PRCC: variants seen among roughly 807,000 people sequenced by gnomAD.
PRCC encodes proline-rich protein PRCC.
Under a neutral mutation model 44.0 loss-of-function variants are expected in PRCC, and 10 were observed. That is an observed-to-expected ratio of 0.23 (90% confidence interval 0.14 to 0.39). The LOEUF is 0.39. Ranked by LOEUF, PRCC falls within the 10% of genes least tolerant of loss-of-function variation. The pLI is 1.00. For synonymous variants in PRCC, 278 were observed against 259.5 expected (o/e 1.07, Z -0.69); for missense variants, 573 against 624.7 (o/e 0.92, Z 0.88).
chr1:156,783,968 A>T (rs1652143380), intron 2 of PRCC, among the ~76,000 whole-genome samples: 1 of 131,186 alleles, frequency 7.6e-6, no homozygotes, highest in African/African-American at 2.8e-5. Context: ...TTTGGGGGGG[A>T]CGGAGTCTCG....
In PRCC at chr1:156,786,776, C is replaced by T. The variant is rs201490397; in HGVS notation, c.685C>T (p.Leu229Phe). 5.7e-5 allele frequency: 92 copies of T among 1,614,234 alleles called. No individual in the cohort carries two copies. The East Asian group carries it at 1.7e-3, about 30-fold the overall frequency. ...GGCTTCTAAGACCAAGACTTCCTCTCTTGCCCCTGTTGTGGGCACCACAAC... is the reference window on the plus strand; with the variant it reads ...GGCTTCTAAGACCAAGACTTCCTCTTTTGCCCCTGTTGTGGGCACCACAAC... The part of the protein sequence containing the change: ...RLASKTKTSS[L>F]APVVGTTTTT... The change falls in exon 3 of 7, where the codon CTT becomes TTT. Residue 229 changes from leucine (L) to phenylalanine (F), a missense_variant. Around this residue, in one of 4 missense-constraint regions of PRCC, gnomAD observed 118 missense variants for 166.7 expected, o/e 0.71. Coordinates refer to ENST00000271526, the MANE Select transcript of PRCC (RefSeq NM_005973.5).
At chr1:156,787,320 C>CCTG in intron 3 of PRCC, 146 bp downstream of exon 3, 1 of 919,906 alleles carries the variant, frequency 1.1e-6, no homozygotes, top group South Asian at 1.9e-5. Flanking sequence ...TACCTTTATT[C>CCTG]TGAACCATAT....
chr1:156,795,236 C>T, intron 5 of PRCC, among the ~76,000 whole-genome samples: 1 of 145,738 alleles, frequency 6.9e-6, no homozygotes, highest in African/African-American at 2.5e-5. Context: ...TCCCTCCCTC[C>T]TTTCCTCCTT....
rs1422939228 is a variant in PRCC, at chr1:156,794,936, A to G, written c.1323+128A>G. 37 of 1,247,290 alleles carry G rather than the reference A, an allele frequency of 3.0e-5. 1 individual carries two copies. The East Asian group carries it at 5.7e-4, about 19-fold the overall frequency. 77.3% of individuals were successfully genotyped at this position (1,247,290 alleles called of 1,614,324 possible). ...CACCTTTAGCAAACACATTTTGCCC[A>G]TGGTACTGGAGTATGCACTAAACCT... On this transcript the variant is annotated intron_variant, in intron 5 of 6. Transcript: ENST00000271526.
At chr1:156,768,288 G>A (rs1468398603) in intron 1 of PRCC, 49 bp downstream of exon 1, 2 of 1,506,318 alleles carry the variant, frequency 1.3e-6, no homozygotes, top group Non-Finnish European at 1.8e-6. Flanking sequence ...GGTTTGAGTC[G>A]GCTGTAGGAG....
In PRCC at chr1:156,767,806, G is replaced by GCGAGCCGGATGAGGCTGAGCC. The variant is rs770182215; in HGVS notation, c.45_65dup (p.Asp15_Pro21dup). The GCGAGCCGGATGAGGCTGAGCC allele has an allele frequency of 1.2e-5, 19 of 1,609,338 alleles. No homozygotes were observed. The highest frequency in any genetic ancestry group is 2.2e-5 in the East Asian group (1 of 44,776). ...GTTGCTTACGCCAGCAGCGATGAGA[G>GCGAGCCGGATGAGGCTGAGCC]CGAGCCGGATGAGGCTGAGCCCGAG... On this transcript the variant is annotated inframe_insertion, in exon 1 of 7. Transcript: ENST00000271526.
intron 3 of PRCC, chr1:156,791,189 G>A: frequency 7.3e-7 from 1 of 1,366,996 alleles, no homozygotes; most frequent in Non-Finnish European, 9.9e-7. Flanking sequence ...CCTAATAGTG[G>A]TTATTTTAAA....
rs56916626 is a variant in PRCC at position 156,787,650 on chromosome 1, C to CTTTTTTTTTTTTTTTTTTTTTTTTT, written c.1083+492_1083+493insTTTTTTTTTTTTTTTTTTTTTTTTT. On this transcript the variant is annotated intron_variant, in intron 3 of 6. Transcript: ENST00000271526. The stretch of plus-strand genomic sequence containing the variant: ...AGTACCTGATAGGTAGGTTTTTGGC[C>CTTTTTTTTTTTTTTTTTTTTTTTTT]TTTTTTTTTTTTTTTTGGAGAAGGA... 2.3e-3 allele frequency among the ~76,000 whole-genome samples: 126 copies of CTTTTTTTTTTTTTTTTTTTTTTTTT among 54,164 alleles called. 30 individuals are homozygous for CTTTTTTTTTTTTTTTTTTTTTTTTT. Among genetic ancestry groups the CTTTTTTTTTTTTTTTTTTTTTTTTT allele is most frequent in the African/African-American group, 0.011 (122 of 11,024 alleles). 35.5% of individuals were successfully genotyped at this position (54,164 alleles called of 152,430 possible).
chr1:156,791,281 G>C, intron 3 of PRCC: 1 of 705,012 alleles, frequency 1.4e-6, no homozygotes, highest in Non-Finnish European at 2.3e-6. Context: ...AGCAGGAATG[G>C]CATGACGTAT....
intron 1 of PRCC, among the ~76,000 whole-genome samples, chr1:156,775,497 C>T (rs1024614075): frequency 6.7e-6 from 1 of 149,546 alleles, no homozygotes; most frequent in African/African-American, 2.4e-5. Flanking sequence ...ATTACAGGCA[C>T]ATGGCCGATT....
At chr1:156,780,516 A>G (rs986856068) in intron 1 of PRCC, among the ~76,000 whole-genome samples, 5 of 151,404 alleles carry the variant, frequency 3.3e-5, no homozygotes, top group Admixed American at 2.0e-4. Flanking sequence ...ATGCAGTGAC[A>G]TGATCACGGC....
chr1:156,767,912 T>C lies in PRCC; in HGVS notation c.141T>C (p.Gly47=), dbSNP rs1651463990. ...GLFASLPAPK[G]PALLPPPPQM... ...TCGCTTCTCTCCCTGCGCCCAAGGG[T>C]CCGGCCTTGCTGCCTCCGCCCCCTC... The change falls in exon 1 of 7, where the codon GGT becomes GGC. Residue 47 remains glycine, a synonymous_variant. Transcript: ENST00000271526. 1 of 1,599,768 alleles carries C rather than the reference T, an allele frequency of 6.3e-7. No homozygotes were observed. The highest frequency in any genetic ancestry group is 8.5e-7 in the Non-Finnish European group (1 of 1,173,928).
chr1:156,772,590 C>G (rs917229052), intron 1 of PRCC, among the ~76,000 whole-genome samples: 17 of 152,148 alleles, frequency 1.1e-4, no homozygotes, highest in African/African-American at 3.9e-4. Flanking sequence ...AGTTTTCTAT[C>G]ATTTATAAAG....
intron 5 of PRCC, chr1:156,795,829 C>T (rs1652644534): frequency 6.6e-6 from 1 of 152,222 alleles, no homozygotes; most frequent in Non-Finnish European, 1.5e-5. Context: ...ATTTCTTCAC[C>T]TAGTAGCTGA....
chr1:156,791,042 T>A, intron 3 of PRCC: 7 of 1,331,990 alleles, frequency 5.3e-6, no homozygotes, highest in African/African-American at 2.9e-5. Context: ...GCCTTGCCCT[T>A]GCCTTCACCC....
At chr1:156,786,086 A>G (rs766830412) in intron 2 of PRCC, among the ~76,000 whole-genome samples, 2 of 152,164 alleles carry the variant, frequency 1.3e-5, no homozygotes, top group Non-Finnish European at 2.9e-5. Flanking sequence ...CTGGGATTAC[A>G]GGCGTGAGCC....
chr1:156,767,930 GC>G lies in PRCC; in HGVS notation c.164del (p.Pro55LeufsTer42). 6.3e-7 allele frequency: 1 copy of G among 1,592,354 alleles called. No homozygotes were observed. Among genetic ancestry groups the G allele is most frequent in the Non-Finnish European group, 8.5e-7 (1 of 1,169,904 alleles). On this transcript the variant is annotated frameshift_variant, in exon 1 of 7. Transcript: ENST00000271526. LOFTEE classifies it high-confidence loss of function. ...APKGPALLPP[P>X]PQMLAPAFPP... is the part of the protein sequence containing the mutation. Reference sequence around the variant, plus strand: ...CCAAGGGTCCGGCCTTGCTGCCTCCGCCCCCTCAGATGCTGGCGCCAGCCTT... The same window carrying G: ...CCAAGGGTCCGGCCTTGCTGCCTCCGCCCCTCAGATGCTGGCGCCAGCCTT...
At chr1:156,769,857 C>T (rs6661637) in intron 1 of PRCC, among the ~76,000 whole-genome samples, 57,265 of 152,000 alleles carry the variant, frequency 0.38, 11,434 homozygotes, top group East Asian at 0.73. Context: ...GCCTCAGCCT[C>T]CCAAAGTGCT....
Position 156,791,747 on chromosome 1 carries a change from C to A in PRCC, c.1134C>A (p.Pro378=). 6.2e-7 allele frequency: 1 copy of A among 1,613,948 alleles called. No individual in the cohort carries two copies. The highest frequency in any genetic ancestry group is 1.1e-5 in the South Asian group (1 of 91,056). Residue 378 remains proline, a synonymous_variant, in exon 4 of 7, where the codon CCC becomes CCA. Coordinates refer to ENST00000271526, the MANE Select transcript of PRCC (RefSeq NM_005973.5). ...YYPAQDPALV[P]PQEIAPDASF... ...CTGCACAGGACCCGGCCCTGGTCCC[C>A]CCCCAGGAAATTGCCCCAGATGCCT...
Sources: allele counts gnomAD v4.1 joint callset (sites outside exome capture counted in the v4.1 genomes callset), GRCh38; gene constraint gnomAD v4.1.1; regional missense constraint gnomAD v4.1.1; transcripts MANE v1.5; gene names NCBI Gene and HGNC (gene_info 2026-07-23, HGNC 2026-07-21).